Variants in NOTCH4 observed in about 807,000 individuals in gnomAD.
NOTCH4 encodes the protein neurogenic locus notch homolog protein 4.
A neutral mutation model predicts 189.0 loss-of-function variants in NOTCH4; 138 were observed. The observed-to-expected ratio is 0.73, with a 90% confidence interval of 0.64 to 0.84. The LOEUF is 0.84. Among genes scored for constraint, NOTCH4 ranks in the 40% least tolerant of loss-of-function variants. The probability of loss-of-function intolerance (pLI) is 0.00; values close to 1 mark genes in which losing one functional copy is unlikely to be tolerated. For missense variants in NOTCH4, 2,286 were observed against 2,605.4 expected, an observed-to-expected ratio of 0.88 and a Z score of 2.67; for synonymous variants, 942 against 1,032.8, an observed-to-expected ratio of 0.91 and a Z score of 1.69.
rs1167869407 is a variant in NOTCH4, at chr6:32,202,356, A to T, written c.3475T>A (p.Cys1159Ser). 6.2e-7 allele frequency: 1 copy of T among 1,612,838 alleles called. No homozygotes were observed. The highest frequency in any genetic ancestry group is 8.5e-7 in the Non-Finnish European group (1 of 1,179,970). The change falls in exon 21 of 30, where the codon TGC (cysteine) becomes AGC (serine). Residue 1159 changes from cysteine to serine, a missense_variant. This residue lies in a region of NOTCH4 where 1,903 missense variants were observed against 2,261.9 expected (regional missense o/e 0.84). Coordinates refer to ENST00000375023, the MANE Select transcript of NOTCH4 (RefSeq NM_004557.4). The surrounding 1 kb of genome is among the most constrained non-coding windows in gnomAD (Gnocchi z 5.7). Reference protein sequence around the residue: ...TTGLGGPGFRCSCPHSSPGPR... With the variant: ...TTGLGGPGFRSSCPHSSPGPR... The stretch of plus-strand genomic sequence containing the variant: ...CCTGGAGAGCTGTGAGGGCAGGAGC[A>T]TCGAAAGCCTGGGCCCCCCAAGCCC...
intron 11 of NOTCH4, 21 bp downstream of exon 11, chr6:32,216,924 T>C: frequency 6.2e-7 from 1 of 1,613,044 alleles, no homozygotes. Context: ...GCCAGTTCTT[T>C]CCAGTGCCTC....
rs113526716 is a variant in NOTCH4 at position 32,216,977 on chromosome 6, G to C, written c.1829C>G (p.Ala610Gly). Reference sequence around the variant, plus strand: ...ACCAGAGGGGCAGAGGCAAAAGAAGGCTCCTGGAAGATCAAGGCAGCTGGC... The same window carrying C: ...ACCAGAGGGGCAGAGGCAAAAGAAGCCTCCTGGAAGATCAAGGCAGCTGGC... ...VGASCLDLPG[A>G]FFCLCPSGFT... The change falls in exon 11 of 30, where the codon GCC (alanine) becomes GGC (glycine). Residue 610 changes from alanine (A) to glycine (G), a missense_variant. Ala to Gly is a moderately conservative substitution (Grantham distance 60). Transcript: ENST00000375023. 2.5e-6 allele frequency: 4 copies of C among 1,612,998 alleles called. No homozygotes were observed. Among genetic ancestry groups the C allele is most frequent in the African/African-American group, 1.3e-5 (1 of 74,940 alleles).
intron 1 of NOTCH4, 130 bp downstream of exon 1, chr6:32,223,726 A>T: frequency 1.1e-6 from 1 of 947,892 alleles, no homozygotes; most frequent in Non-Finnish European, 1.6e-6. Context: ...GGCCGTCTCT[A>T]TTTGGGCAGT....
Position 32,195,413 on chromosome 6 carries a change from A to G in NOTCH4, c.*24T>C. The G allele has an allele frequency of 6.5e-7, 1 of 1,532,072 alleles. No homozygotes were observed. The highest frequency in any genetic ancestry group is 8.8e-7 in the Non-Finnish European group (1 of 1,140,016). 94.9% of individuals were successfully genotyped at this position (1,532,072 alleles called of 1,614,324 possible). ...CCTTTTAATGGGTAATCATTTTTGG[A>G]ATTCCTCCCTACCATGTATTCTTCT... On this transcript the variant is annotated 3_prime_UTR_variant, in exon 30 of 30. Coordinates refer to ENST00000375023, the MANE Select transcript of NOTCH4 (RefSeq NM_004557.4). The surrounding 1 kb of genome is among the most constrained non-coding windows in gnomAD (Gnocchi z 5.4).
chr6:32,209,627 A>G (rs934405535), intron 18 of NOTCH4, among the ~76,000 whole-genome samples: 4 of 152,174 alleles, frequency 2.6e-5, no homozygotes, highest in African/African-American at 9.7e-5. Flanking sequence ...TCATACCTGT[A>G]ATCTTATCAC....
At chr6:32,216,549 A>C in intron 11 of NOTCH4, 1 of 314,714 alleles carries the variant, frequency 3.2e-6, no homozygotes, top group Non-Finnish European at 6.1e-6. Flanking sequence ...TCTGTGGGCT[A>C]TGATCAACAG....
intron 8 of NOTCH4, 33 bp downstream of exon 8, chr6:32,219,558 GT>G: frequency 6.3e-7 from 1 of 1,596,478 alleles, no homozygotes; most frequent in Non-Finnish European, 8.5e-7. Flanking sequence ...CTAGTTCCCT[GT>G]TTTCCCCACC....
chr6:32,222,779 C>T lies in NOTCH4; in HGVS notation c.183G>A (p.Thr61=), dbSNP rs374370941. ...CQCAPGFLGE[T]CQFPDPCQNA... Reference sequence around the variant, plus strand: ...TCTGGCAGGGGTCAGGAAACTGGCACGTCTCACCCAGGAAGCCAGGGGCAC... The same window carrying T: ...TCTGGCAGGGGTCAGGAAACTGGCATGTCTCACCCAGGAAGCCAGGGGCAC... Residue 61 remains threonine (T), a synonymous_variant, in exon 3 of 30, where the codon ACG becomes ACA. Coordinates refer to ENST00000375023, the MANE Select transcript of NOTCH4 (RefSeq NM_004557.4). The T allele has an allele frequency of 1.7e-5, 28 of 1,610,622 alleles. No individual in the cohort carries two copies. Among genetic ancestry groups the T allele is most frequent in the Middle Eastern group, 1.7e-4 (1 of 6,042 alleles).
At position 32,204,036 on chromosome 6, in the gene NOTCH4, G is replaced by A. The variant is rs1420345000; in HGVS notation, c.3118+101C>T. The A allele has an allele frequency of 3.3e-6, 5 of 1,514,896 alleles. No individual in the cohort carries two copies. In the East Asian group the frequency reaches 1.2e-4, roughly 35 times the overall value. 93.8% of individuals were successfully genotyped at this position (1,514,896 alleles called of 1,614,324 possible). ...GGGGTGGGCGTGGAGGCAGGGGATG[G>A]ACCAGGTGACGGCTGCCGCATGGGT... On this transcript the variant is annotated intron_variant, in intron 19 of 29. Coordinates refer to ENST00000375023, the MANE Select transcript of NOTCH4 (RefSeq NM_004557.4).
In NOTCH4 at chr6:32,212,085, C is replaced by T. The variant is rs1042457144; in HGVS notation, c.2680+389G>A. On this transcript the variant is annotated intron_variant, in intron 17 of 29. Transcript: ENST00000375023. This position sits in a 1 kb window ranked among gnomAD's most constrained non-coding sequence, Gnocchi z 4.4. ...TAGTGTTCTTTTACAAAGAGGGTGG[C>T]GTGACATCGAAGTGAGTGGGGTGGG... is the stretch of plus-strand genomic sequence containing the variant. Among the ~76,000 whole-genome samples the T allele has an allele frequency of 6.6e-6, 1 of 152,070 alleles. No homozygotes were observed. Among genetic ancestry groups the T allele is most frequent in the African/African-American group, 2.4e-5 (1 of 41,412 alleles).
Position 32,197,343 on chromosome 6 carries a change from G to A in NOTCH4, c.5008C>T (p.Pro1670Ser), listed in dbSNP as rs1788011869. The A allele has an allele frequency of 6.5e-7, 1 of 1,536,674 alleles. No homozygotes were observed. Among genetic ancestry groups the A allele is most frequent in the Non-Finnish European group, 8.7e-7 (1 of 1,143,066 alleles). ...PNQPDRAGRT[P>S]LHAAVAADAR... ...TCAGCAGCCACAGCAGCATGAAGGG[G>A]TGTGCGCCCTGCCCGGTCTGGCTGG... is the stretch of plus-strand genomic sequence containing the variant. The change falls in exon 27 of 30, where the codon CCC (proline) becomes TCC (serine). Residue 1670 changes from proline to serine, a missense_variant. Physicochemically the swap from Pro to Ser is moderately conservative, Grantham distance 74 (BLOSUM62 -1). This residue lies in a region of NOTCH4 where 1,903 missense variants were observed against 2,261.9 expected (regional missense o/e 0.84). Transcript: ENST00000375023.
At position 32,197,480 on chromosome 6, in the gene NOTCH4, G is replaced by T. The variant is rs1184418378; in HGVS notation, c.4871C>A (p.Ala1624Asp). The change falls in exon 27 of 30, where the codon GCC (alanine) becomes GAC (aspartate). Residue 1624 changes from alanine (A) to aspartate (D), a missense_variant. Around this residue, in one of 2 missense-constraint regions of NOTCH4, gnomAD observed 1,903 missense variants for 2,261.9 expected, o/e 0.84. Coordinates refer to ENST00000375023, the MANE Select transcript of NOTCH4 (RefSeq NM_004557.4). Reference sequence around the variant, plus strand: ...GCCCACGGTGTGAGCCTGGGGACAGGCCCCTCCATCCAGCAGAGGTTCCCA... The same window carrying T: ...GCCCACGGTGTGAGCCTGGGGACAGTCCCCTCCATCCAGCAGAGGTTCCCA... The part of the protein sequence containing the change: ...EPWEPLLDGG[A>D]CPQAHTVGTG... 2.5e-6 allele frequency: 4 copies of T among 1,598,168 alleles called. No individual in the cohort carries two copies. Among genetic ancestry groups the T allele is most frequent in the Non-Finnish European group, 3.4e-6 (4 of 1,172,176 alleles).
chr6:32,195,972 T>C lies in NOTCH4; in HGVS notation c.5477A>G (p.Glu1826Gly), dbSNP rs2127458870. The change falls in exon 30 of 30, where the codon GAG (glutamate) becomes GGG (glycine). Residue 1826 changes from glutamate to glycine, a missense_variant. Coordinates refer to ENST00000375023, the MANE Select transcript of NOTCH4 (RefSeq NM_004557.4). This position sits in a 1 kb window ranked among gnomAD's most constrained non-coding sequence, Gnocchi z 5.4. ...GCCCGGCGTGGCTTTGTGACGGGCC[T>C]CTGGTGGCCCAGCCCCTTCCAGCAG... is the stretch of plus-strand genomic sequence containing the variant. ...LTLLEGAGPPEARHKATPGRE... is the reference protein window; with the variant it reads ...LTLLEGAGPPGARHKATPGRE... 1 of 1,597,768 alleles carries C rather than the reference T, an allele frequency of 6.3e-7. No individual in the cohort carries two copies. Among genetic ancestry groups the C allele is most frequent in the Non-Finnish European group, 8.5e-7 (1 of 1,178,778 alleles).
Position 32,199,285 on chromosome 6 carries a change from G to A in NOTCH4, c.4316-140C>T, listed in dbSNP as rs1353530991. On this transcript the variant is annotated intron_variant, in intron 23 of 29. Transcript: ENST00000375023. The surrounding 1 kb of genome is among the most constrained non-coding windows in gnomAD (Gnocchi z 4.9). ...AAATGGGGATGATAATATAGATTGAGGTTGGGCACAGTGGCTCATGCCTGT... is the reference window on the plus strand; with the variant it reads ...AAATGGGGATGATAATATAGATTGAAGTTGGGCACAGTGGCTCATGCCTGT... 4.7e-6 allele frequency: 3 copies of A among 640,372 alleles called. No individual in the cohort carries two copies. In the East Asian group the frequency reaches 9.4e-5, roughly 20 times the overall value. The allele number at this position is 640,372 out of a possible 1,614,324, so 39.7% of individuals were successfully genotyped here. A position where few individuals can be genotyped will look rare whatever the true frequency, so the allele number is the denominator to read the frequency against.
In NOTCH4 at chr6:32,195,285, A is replaced by ATGTC. The variant is rs1787788580; in HGVS notation, c.*148_*151dup. 2.9e-6 allele frequency: 2 copies of ATGTC among 699,776 alleles called. No individual in the cohort carries two copies. Among genetic ancestry groups the ATGTC allele is most frequent in the South Asian group, 4.1e-5 (2 of 49,370 alleles). The allele number at this position is 699,776 out of a possible 1,614,324, so 43.3% of individuals were successfully genotyped here. ...GAGCTGCAGCTTCTCCACGTGGAAG[A>ATGTC]TGTCTGCTCTGGTGGGCATACATTC... is the stretch of plus-strand genomic sequence containing the variant. On this transcript the variant is annotated 3_prime_UTR_variant, in exon 30 of 30. Coordinates refer to ENST00000375023, the MANE Select transcript of NOTCH4 (RefSeq NM_004557.4). The surrounding 1 kb of genome is among the most constrained non-coding windows in gnomAD (Gnocchi z 5.4).
chr6:32,198,061 T>C lies in NOTCH4; in HGVS notation c.4756+360A>G, dbSNP rs1336982195. 6.6e-6 allele frequency among the ~76,000 whole-genome samples: 1 copy of C among 152,216 alleles called. No individual in the cohort carries two copies. The highest frequency in any genetic ancestry group is 6.5e-5 in the Admixed American group (1 of 15,292). ...TGGTCTCGATCTCCTGACCTTGTGA[T>C]CCACCCGCCTTGGCCTCCCAAAGTG... On this transcript the variant is annotated intron_variant, in intron 26 of 29. Transcript: ENST00000375023. The surrounding 1 kb of genome is among the most constrained non-coding windows in gnomAD (Gnocchi z 5.5).
chr6:32,220,359 C>T lies in NOTCH4; in HGVS notation c.1159+46G>A, dbSNP rs191683872. On this transcript the variant is annotated intron_variant, in intron 6 of 29. Transcript: ENST00000375023. Reference sequence around the variant, plus strand: ...AGCAGTCCTCCTGGTGCTTCTCTCACCCTCCTTCTCTACCTCCCACCTCCT... The same window carrying T: ...AGCAGTCCTCCTGGTGCTTCTCTCATCCTCCTTCTCTACCTCCCACCTCCT... 3,741 of 1,611,740 alleles carry T rather than the reference C, an allele frequency of 2.3e-3. 72 individuals carry two copies. In the South Asian group the frequency reaches 0.027, roughly 12 times the overall value.
chr6:32,213,897 CCTT>C (rs1055462376), intron 13 of NOTCH4, 57 bp from the exon 14 acceptor site: 64 of 1,580,922 alleles, frequency 4.0e-5, no homozygotes, highest in Non-Finnish European at 5.4e-5. Context: ...CCTCCGCTCT[CCTT>C]CTCTTTCCTC....
chr6:32,223,065 G>C lies in NOTCH4; in HGVS notation c.95C>G (p.Pro32Arg). Residue 32 changes from proline (P) to arginine (R), a missense_variant, in exon 2 of 30, where the codon CCA becomes CGA. Physicochemically the swap from Pro to Arg is moderately radical, Grantham distance 103. Around this residue, in one of 2 missense-constraint regions of NOTCH4, gnomAD observed 1,903 missense variants for 2,261.9 expected, o/e 0.84. Coordinates refer to ENST00000375023, the MANE Select transcript of NOTCH4 (RefSeq NM_004557.4). Reference protein sequence around the residue: ...RPRGLLCGSFPEPCANGGTCL... With the variant: ...RPRGLLCGSFREPCANGGTCL... The stretch of plus-strand genomic sequence containing the variant: ...GGTGCCTCCATTGGCACAGGGTTCT[G>C]GGAAACTCCCACACAGCAGCCCTGA... The C allele has an allele frequency of 3.7e-6, 6 of 1,613,904 alleles. No homozygotes were observed. The highest frequency in any genetic ancestry group is 5.1e-6 in the Non-Finnish European group (6 of 1,179,930).
Sources: gnomAD v4.1 joint callset for allele counts (sites outside exome capture counted in the v4.1 genomes callset) on GRCh38, gnomAD v4.1.1 for gene constraint, gnomAD v4.1.1 regional missense constraint, Gnocchi (gnomAD v3.1) non-coding constraint, MANE v1.5 for transcripts, NCBI Gene and HGNC (gene_info 2026-07-23, HGNC 2026-07-21) for gene names.